Variants in COL13A1 observed in about 807,000 individuals in gnomAD.
COL13A1 encodes the protein collagen alpha-1(XIII) chain.
In COL13A1, 89 loss-of-function variants were observed where a neutral mutation model predicts 130.9. That is an observed-to-expected ratio of 0.68 (90% CI 0.57 to 0.81). The LOEUF (loss-of-function observed/expected upper bound fraction) is 0.81. Among genes scored for constraint, COL13A1 ranks in the 30% least tolerant of loss-of-function variants. The probability of loss-of-function intolerance (pLI) is 0.00; values close to 1 mark genes in which losing one functional copy is unlikely to be tolerated. For synonymous variants in COL13A1, 402 were observed against 341.6 expected (o/e 1.18, Z -1.95); for missense variants, 879 against 934.6 (o/e 0.94, Z 0.78).
intron 1 of COL13A1, among the ~76,000 whole-genome samples, chr10:69,821,292 G>GA (rs1340255716): frequency 1.3e-5 from 2 of 152,196 alleles, no homozygotes; most frequent in African/African-American, 4.8e-5. Context: ...AAAATACACT[G>GA]AAAGGCCTAT....
At chr10:69,874,418 G>A (rs559919963) in intron 4 of COL13A1, among the ~76,000 whole-genome samples, 3 of 152,120 alleles carry the variant, frequency 2.0e-5, no homozygotes, top group Non-Finnish European at 2.9e-5. Flanking sequence ...GCATATGATG[G>A]CAAAAAAATA....
chr10:69,904,892 C>G lies in COL13A1; in HGVS notation c.859-41C>G, dbSNP rs576988917. ...GGCTAGCCCCAACCAGCTCTACTCA[C>G]CTTTTCTTTTTTCTTTTTTTTTTTT... On this transcript the variant is annotated intron_variant, in intron 15 of 40. Coordinates refer to ENST00000645393, the MANE Select transcript of COL13A1 (RefSeq NM_001368882.1). The G allele has an allele frequency of 3.1e-4, 471 of 1,537,888 alleles. 11 individuals are homozygous for G. The South Asian group carries it at 4.6e-3, about 15-fold the overall frequency.
intron 5 of COL13A1, among the ~76,000 whole-genome samples, chr10:69,875,881 C>T (rs936055438): frequency 6.6e-6 from 1 of 152,236 alleles, no homozygotes; most frequent in African/African-American, 2.4e-5. Flanking sequence ...GCCTCAGCCA[C>T]TCTCCCCATG....
At chr10:69,902,480 C>CG (rs1406482517) in intron 14 of COL13A1, among the ~76,000 whole-genome samples, 2 of 152,190 alleles carry the variant, frequency 1.3e-5, no homozygotes, top group Non-Finnish European at 2.9e-5. Context: ...TCTGCCCCCC[C>CG]GCAGAATGTC....
chr10:69,881,272 G>T (rs1436982187), intron 7 of COL13A1, among the ~76,000 whole-genome samples: 1 of 152,230 alleles, frequency 6.6e-6, no homozygotes, highest in Admixed American at 6.5e-5. Context: ...AGCCCTCTCA[G>T]AAGGGGAAAC....
chr10:69,948,393 C>T (rs1451780511), intron 38 of COL13A1, among the ~76,000 whole-genome samples: 1 of 152,176 alleles, frequency 6.6e-6, no homozygotes. Flanking sequence ...CCTAAGTGCT[C>T]TTCACTGGCA....
chr10:69,922,828 G>T (rs1170912215), intron 23 of COL13A1, 34 bp downstream of exon 23: 1 of 1,447,198 alleles, frequency 6.9e-7, no homozygotes, highest in East Asian at 2.6e-5. Flanking sequence ...TTGGGGAGGT[G>T]CTTACCTGGG....
chr10:69,830,135 C>T (rs561745701), intron 2 of COL13A1, among the ~76,000 whole-genome samples: 115 of 152,300 alleles, frequency 7.6e-4, no homozygotes, highest in Non-Finnish European at 1.1e-3. Context: ...TTGGTTTCCT[C>T]GCTGATATAA....
intron 26 of COL13A1, 108 bp from the exon 27 acceptor site, chr10:69,926,979 C>A: frequency 2.0e-6 from 3 of 1,498,898 alleles, no homozygotes; most frequent in Non-Finnish European, 2.8e-6. Flanking sequence ...CCTCCACCCA[C>A]GCTCCTTTGA....
At chr10:69,915,547 G>A (rs1235326286) in intron 17 of COL13A1, among the ~76,000 whole-genome samples, 1 of 152,208 alleles carries the variant, frequency 6.6e-6, no homozygotes, top group African/African-American at 2.4e-5. Flanking sequence ...AACGCTAAGT[G>A]GTCCCTGTCG....
At chr10:69,849,430 G>A (rs991112902) in intron 2 of COL13A1, among the ~76,000 whole-genome samples, 4 of 152,212 alleles carry the variant, frequency 2.6e-5, no homozygotes, top group Non-Finnish European at 4.4e-5. Context: ...GTCACCAACC[G>A]GCTCAGCAGC....
chr10:69,892,711 C>T (rs1290673008), intron 10 of COL13A1, among the ~76,000 whole-genome samples: 1 of 152,232 alleles, frequency 6.6e-6, no homozygotes, highest in African/African-American at 2.4e-5. Context: ...CAGGTGCTGC[C>T]TGGCTGAAGA....
intron 1 of COL13A1, among the ~76,000 whole-genome samples, chr10:69,805,248 G>C (rs1004015393): frequency 1.3e-5 from 2 of 152,194 alleles, no homozygotes; most frequent in Admixed American, 6.5e-5. Context: ...AGTGCTTACG[G>C]CTGGCAAAGC....
intron 36 of COL13A1, 33 bp downstream of exon 36, chr10:69,944,211 C>A (rs767372981): frequency 1.5e-5 from 24 of 1,603,370 alleles, no homozygotes; most frequent in Non-Finnish European, 2.0e-5. Context: ...CCTGGGCGGC[C>A]AGGAGGGAGA....
intron 35 of COL13A1, among the ~76,000 whole-genome samples, chr10:69,942,370 C>T (rs1351000891): frequency 6.6e-6 from 1 of 152,194 alleles, no homozygotes; most frequent in Non-Finnish European, 1.5e-5. Flanking sequence ...CAGTCCCTCC[C>T]TCTCCATCCT....
intron 14 of COL13A1, among the ~76,000 whole-genome samples, chr10:69,901,637 G>A (rs1033463161): frequency 2.6e-5 from 4 of 152,184 alleles, no homozygotes; most frequent in Admixed American, 2.0e-4. Context: ...GCAGGGATGG[G>A]CCCCTCCTCA....
At chr10:69,867,749 C>T (rs1564891887) in intron 2 of COL13A1, 49 bp from the exon 3 acceptor site, 1 of 716,768 alleles carries the variant, frequency 1.4e-6, no homozygotes, top group South Asian at 1.5e-5. Context: ...CTCCCCACCG[C>T]CCCCTACAGC....
At chr10:69,858,141 G>A (rs1198053373) in intron 2 of COL13A1, among the ~76,000 whole-genome samples, 2 of 98,328 alleles carry the variant, frequency 2.0e-5, no homozygotes, top group African/African-American at 7.2e-5. Context: ...AAAAAGATTG[G>A]TGCCTGGCAC....
intron 7 of COL13A1, among the ~76,000 whole-genome samples, chr10:69,881,676 A>C (rs1475584176): frequency 1.3e-5 from 2 of 152,234 alleles, no homozygotes; most frequent in African/African-American, 2.4e-5. Context: ...GCTGAGTAGC[A>C]TGGCCTTTAC....
Sources: allele counts gnomAD v4.1 joint callset (sites outside exome capture counted in the v4.1 genomes callset), GRCh38; gene constraint gnomAD v4.1.1; transcripts MANE v1.5; gene names NCBI Gene and HGNC (gene_info 2026-07-23, HGNC 2026-07-21).